The following PTDSS1 variants were observed in gnomAD, a reference collection of about 807,000 sequenced individuals.
PTDSS1 encodes the protein phosphatidylserine synthase 1.
A neutral mutation model predicts 70.5 loss-of-function variants in PTDSS1; 45 were observed. The observed-to-expected ratio is 0.64, with a 90% CI of 0.50 to 0.82. The LOEUF (loss-of-function observed/expected upper bound fraction) is 0.82, where lower values mean the gene tolerates loss of function less well. PTDSS1 is among the 40% of genes least tolerant of loss of function. The pLI is 0.00. For missense variants in PTDSS1, 417 were observed against 586.1 expected (o/e 0.71, Z 2.98); for synonymous variants, 188 against 203.8 (o/e 0.92, Z 0.66).
chr8:96,262,290 AG>A lies in PTDSS1; in HGVS notation c.179+77del. 3 of 387,384 alleles carry A rather than the reference AG, an allele frequency of 7.7e-6. No individual in the cohort carries two copies. Among genetic ancestry groups the A allele is most frequent in the Admixed American group, 6.1e-5 (2 of 32,716 alleles). 24.0% of individuals were successfully genotyped at this position (387,384 alleles called of 1,614,324 possible). A position where few individuals can be genotyped will look rare whatever the true frequency, so the allele number is the denominator to read the frequency against. ...AGAGGCGGGAGGGAGGGTGGCGGGG[AG>A]GGGGGCCCGGCATGGCTCTGGGTGA... On this transcript the variant is annotated intron_variant, in intron 1 of 12. Transcript: ENST00000517309. This position sits in a 1 kb window ranked among gnomAD's most constrained non-coding sequence, Gnocchi z 4.4.
intron 3 of PTDSS1, 71 bp downstream of exon 3, chr8:96,284,224 C>T (rs764244079): frequency 8.0e-5 from 108 of 1,351,992 alleles, no homozygotes; most frequent in Non-Finnish European, 1.0e-4. Context: ...CACTTTAAGA[C>T]TTTTACTTGC....
intron 1 of PTDSS1, among the ~76,000 whole-genome samples, chr8:96,266,258 A>G (rs1254413500): frequency 6.6e-6 from 1 of 152,260 alleles, no homozygotes; most frequent in Non-Finnish European, 1.5e-5. Context: ...TTACTTACCT[A>G]GAAGACGTTG....
At chr8:96,299,585 T>C (rs1428881035) in intron 5 of PTDSS1, 109 bp from the exon 6 acceptor site, 2 of 1,189,894 alleles carry the variant, frequency 1.7e-6, no homozygotes, top group Non-Finnish European at 2.3e-6. Context: ...AAAAATGAAA[T>C]GTCAACAACT....
rs1426007453 is a variant in PTDSS1, at chr8:96,282,524, C to T, written c.272-1585C>T. 3.9e-5 allele frequency among the ~76,000 whole-genome samples: 6 copies of T among 152,276 alleles called. No individual in the cohort carries two copies. In the South Asian group the frequency reaches 8.3e-4, roughly 21 times the overall value. On this transcript the variant is annotated intron_variant, in intron 2 of 12. Transcript: ENST00000517309. Reference sequence around the variant, plus strand: ...AGTTCTCACTACCTGCCATCCAAAACGCAGGAACCAAACGCAAATGCATTT... The same window carrying T: ...AGTTCTCACTACCTGCCATCCAAAATGCAGGAACCAAACGCAAATGCATTT...
At chr8:96,327,949 T>C (rs1475604136) in intron 10 of PTDSS1, among the ~76,000 whole-genome samples, 1 of 152,204 alleles carries the variant, frequency 6.6e-6, no homozygotes, top group Admixed American at 6.5e-5. Flanking sequence ...AACCTGTAAA[T>C]TACCGGCTTC....
intron 2 of PTDSS1, among the ~76,000 whole-genome samples, chr8:96,273,657 G>A (rs1363218785): frequency 2.0e-5 from 3 of 152,154 alleles, no homozygotes; most frequent in Admixed American, 1.3e-4. Flanking sequence ...ATGGGTGCAC[G>A]TTAAACACTA....
intron 2 of PTDSS1, among the ~76,000 whole-genome samples, chr8:96,281,929 G>A (rs982486842): frequency 7.2e-5 from 11 of 152,142 alleles, no homozygotes; most frequent in African/African-American, 2.4e-4. Context: ...ACTGTGTGGG[G>A]GTGTCTCATT....
chr8:96,306,375 T>A, intron 7 of PTDSS1, 69 bp from the exon 8 acceptor site: 1 of 1,074,882 alleles, frequency 9.3e-7, no homozygotes, highest in Admixed American at 1.8e-5. Context: ...GTAGAATGTC[T>A]ATTTAAGGAA....
chr8:96,310,914 T>C (rs569727752), intron 9 of PTDSS1, among the ~76,000 whole-genome samples: 15 of 152,058 alleles, frequency 9.9e-5, no homozygotes, highest in East Asian at 1.9e-4. Flanking sequence ...TACAGGCGCG[T>C]GCCACCACAC....
chr8:96,327,822 G>A (rs1195166158), intron 10 of PTDSS1, among the ~76,000 whole-genome samples: 1 of 152,098 alleles, frequency 6.6e-6, no homozygotes, highest in East Asian at 1.9e-4. Flanking sequence ...CTCATCCCAC[G>A]TAGTTTCTTC....
chr8:96,270,633 C>G (rs529682313), intron 1 of PTDSS1, among the ~76,000 whole-genome samples: 1 of 152,164 alleles, frequency 6.6e-6, no homozygotes. Context: ...GCTTCGTAAA[C>G]TCACTCTCCT....
At chr8:96,276,982 A>G (rs201979523) in intron 2 of PTDSS1, among the ~76,000 whole-genome samples, 96 of 81,052 alleles carry the variant, frequency 1.2e-3, no homozygotes, top group African/African-American at 2.0e-3. Flanking sequence ...ACGCGCGCGC[A>G]CACACACACA....
At chr8:96,265,834 G>A (rs570548558) in intron 1 of PTDSS1, among the ~76,000 whole-genome samples, 3 of 152,328 alleles carry the variant, frequency 2.0e-5, no homozygotes, top group Admixed American at 6.5e-5. Flanking sequence ...GCTTACGCCG[G>A]TAATCCTAGC....
At chr8:96,327,463 C>G (rs1000991037) in intron 10 of PTDSS1, among the ~76,000 whole-genome samples, 1 of 152,112 alleles carries the variant, frequency 6.6e-6, no homozygotes, top group African/African-American at 2.4e-5. Flanking sequence ...AAGGTCCTGG[C>G]ACTTTTTAAA....
intron 9 of PTDSS1, among the ~76,000 whole-genome samples, chr8:96,311,565 C>T (rs866656626): frequency 1.3e-5 from 2 of 152,206 alleles, no homozygotes; most frequent in Middle Eastern, 3.4e-3. Context: ...CAGCTGTCAT[C>T]TAGATTCTGA....
At chr8:96,332,017 T>TA (rs59720395) in intron 12 of PTDSS1, among the ~76,000 whole-genome samples, 89 of 63,816 alleles carry the variant, frequency 1.4e-3, no homozygotes, top group East Asian at 6.0e-3. Flanking sequence ...CCCTGCCTCT[T>TA]AAAAAAAAAA....
At chr8:96,320,895 C>T (rs557022463) in intron 10 of PTDSS1, among the ~76,000 whole-genome samples, 33 of 152,332 alleles carry the variant, frequency 2.2e-4, no homozygotes, top group Admixed American at 9.8e-4. Context: ...CAGCCTAAGC[C>T]TTGGTTCTTT....
chr8:96,327,850 C>T (rs1235829703), intron 10 of PTDSS1, among the ~76,000 whole-genome samples: 1 of 152,182 alleles, frequency 6.6e-6, no homozygotes, highest in African/African-American at 2.4e-5. Flanking sequence ...CCCGCCCTTT[C>T]TTTAAACGAA....
At chr8:96,319,039 G>C (rs930670780) in intron 9 of PTDSS1, among the ~76,000 whole-genome samples, 52 of 147,502 alleles carry the variant, frequency 3.5e-4, no homozygotes, top group Non-Finnish European at 6.2e-4. Flanking sequence ...TCAGCCTCCC[G>C]AGTAGCTGGG....
Sources: gnomAD v4.1 joint callset for allele counts (sites outside exome capture counted in the v4.1 genomes callset) on GRCh38, gnomAD v4.1.1 for gene constraint, Gnocchi (gnomAD v3.1) non-coding constraint, MANE v1.5 for transcripts, NCBI Gene and HGNC (gene_info 2026-07-23, HGNC 2026-07-21) for gene names.